Variants in ZNF701 observed in about 807,000 individuals in gnomAD.
ZNF701 encodes zinc finger protein 701.
ZNF701 carries 6 observed loss-of-function variants against 7.1 expected under a neutral mutation model. That is an observed-to-expected ratio of 0.84 (90% confidence interval 0.46 to 1.66). The LOEUF is 1.66. Ranked by LOEUF, ZNF701 falls within the 40% of genes most tolerant of loss-of-function variation. The probability of loss-of-function intolerance (pLI) is 0.01; values close to 1 mark genes in which losing one functional copy is unlikely to be tolerated. For synonymous variants in ZNF701, 166 were observed against 188.2 expected (o/e 0.88, Z 0.97); for missense variants, 541 against 559.2 (o/e 0.97, Z 0.33).
chr19:52,572,333 G>A (rs1352743336), intron 1 of ZNF701: 2 of 1,278,922 alleles, frequency 1.6e-6, no homozygotes, highest in African/African-American at 1.5e-5. Flanking sequence ...GGGATTACAG[G>A]TGTGAGCCAC....
chr19:52,580,003 A>G lies in ZNF701; in HGVS notation c.143-2199A>G, dbSNP rs537914996. ...GTAGCCCAGGCTGGAGTGCAGTGGC[A>G]CGATCTCAGCTCACTGCAAGCTCCA... On this transcript the variant is annotated intron_variant, in intron 3 of 3. Transcript: ENST00000391785. 1.4e-3 allele frequency among the ~76,000 whole-genome samples: 204 copies of G among 142,536 alleles called. 11 individuals carry two copies. The Middle Eastern group carries it at 0.044, about 31-fold the overall frequency. 93.5% of individuals were successfully genotyped at this position (142,536 alleles called of 152,430 possible). A position where few individuals can be genotyped will look rare whatever the true frequency, so the allele number is the denominator to read the frequency against.
chr19:52,589,541 A>C, downstream of ZNF701, among the ~76,000 whole-genome samples: 1 of 145,092 alleles, frequency 6.9e-6, no homozygotes, highest in Admixed American at 7.1e-5. Context: ...GTGTAATGGC[A>C]CGATCTTGGC....
chr19:52,588,703 C>T (rs879871063), downstream of ZNF701: 2 of 242,210 alleles, frequency 8.3e-6, no homozygotes, highest in Non-Finnish European at 1.7e-5. Flanking sequence ...GATTCTGAAG[C>T]GTCCTAACTC....
chr19:52,572,562 C>T, intron 1 of ZNF701: 1 of 392,636 alleles, frequency 2.5e-6, no homozygotes, highest in Non-Finnish European at 4.6e-6. Context: ...TTATCCCTTC[C>T]AGGCCACCAT....
At chr19:52,598,468 C>A in the ZNF701 span, among the ~76,000 whole-genome samples, 1 of 151,984 alleles carries the variant, frequency 6.6e-6, no homozygotes, top group Non-Finnish European at 1.5e-5. Context: ...TGGAGTGGCG[C>A]GCTGGTTGCC....
rs1308038377 is a variant in ZNF701, at chr19:52,575,975, A to G, written c.96A>G (p.Leu32=). 2 of 1,589,654 alleles carry G rather than the reference A, an allele frequency of 1.3e-6. No individual in the cohort carries two copies. The highest frequency in any genetic ancestry group is 1.4e-5 in the African/African-American group (1 of 72,492). Residue 32 remains leucine, a synonymous_variant, in exon 3 of 4, where the codon CTA becomes CTG. Coordinates refer to ENST00000391785, the MANE Select transcript of ZNF701 (RefSeq NM_018260.3). ...WKCLDPAQRT[L]YRDVMLENYR... ...GCCTGGACCCTGCTCAGAGGACTCT[A>G]TACAGAGACGTGATGCTGGAGAATT...
At chr19:52,571,461 G>A (rs899364694) in intron 1 of ZNF701, among the ~76,000 whole-genome samples, 1 of 152,240 alleles carries the variant, frequency 6.6e-6, no homozygotes, top group South Asian at 2.1e-4. Context: ...GATTGAGGAC[G>A]ATCGAAGAAT....
At chr19:52,590,886 C>T (rs540232152), downstream of ZNF701, among the ~76,000 whole-genome samples, 3 of 152,254 alleles carry the variant, frequency 2.0e-5, no homozygotes, top group South Asian at 6.2e-4. Context: ...TGTCATCAGG[C>T]TAAAGTGCAG....
the ZNF701 span, among the ~76,000 whole-genome samples, chr19:52,592,513 T>C: frequency 6.6e-6 from 1 of 151,818 alleles, no homozygotes; most frequent in Admixed American, 6.6e-5. Flanking sequence ...TGAGCGGAAT[T>C]GTCACCATGG....
chr19:52,573,972 G>T, intron 1 of ZNF701, 105 bp from the exon 2 acceptor site: 3 of 1,195,592 alleles, frequency 2.5e-6, no homozygotes, highest in Non-Finnish European at 3.5e-6. Context: ...GGCAGCAGAG[G>T]TGACCATATT....
At chr19:52,578,913 G>A (rs142081293) in intron 3 of ZNF701, among the ~76,000 whole-genome samples, 8,276 of 151,486 alleles carry the variant, frequency 0.055, 286 homozygotes, top group South Asian at 0.063. Flanking sequence ...TCCCGCCACC[G>A]CGCCTGGCTA....
the ZNF701 span, chr19:52,597,316 G>T: frequency 1.8e-6 from 1 of 543,342 alleles, no homozygotes. Context: ...AGACATCAGA[G>T]AATCCATACT....
rs555419014 is a variant in ZNF701 at position 52,583,383 on chromosome 19, G to T, written c.1324G>T (p.Glu442Ter). Reference protein sequence around the residue: ...HTGEKPYKCNECGKVFNRKSN... With the variant: ...HTGEKPYKCN ...TGGAGAGAAACCTTACAAGTGTAAT[G>T]AATGTGGCAAGGTTTTTAATCGAAA... Residue 442 changes from glutamate to a stop codon, truncating the protein, a stop_gained, in exon 4 of 4, where the codon GAA (glutamate) becomes TAA (stop). Transcript: ENST00000391785. LOFTEE classifies it low-confidence loss of function (END_TRUNC). 4 of 1,613,824 alleles carry T rather than the reference G, an allele frequency of 2.5e-6. No homozygotes were observed. In the South Asian group the frequency reaches 4.4e-5, roughly 18 times the overall value.
At chr19:52,597,883 GATTCTCCGGGTACTA>G in the ZNF701 span, 1 of 165,728 alleles carries the variant, frequency 6.0e-6, no homozygotes, top group East Asian at 1.7e-4. Context: ...TGCAGGACTA[GATTCTCCGGGTACTA>G]ATTGGTGGAT....
At position 52,583,390 on chromosome 19, in the gene ZNF701, G is replaced by A; in HGVS notation, c.1331G>A (p.Gly444Asp). 6.2e-7 allele frequency: 1 copy of A among 1,613,636 alleles called. No homozygotes were observed. Among genetic ancestry groups the A allele is most frequent in the African/African-American group, 1.3e-5 (1 of 74,936 alleles). The change falls in exon 4 of 4, where the codon GGC (glycine) becomes GAC (aspartate). Residue 444 changes from glycine to aspartate, a missense_variant. By Grantham distance (94) the Gly-to-Asp change is moderately conservative (BLOSUM62 -1). Transcript: ENST00000391785. Reference protein sequence around the residue: ...GEKPYKCNECGKVFNRKSNLE... With the variant: ...GEKPYKCNECDKVFNRKSNLE... ...AAACCTTACAAGTGTAATGAATGTG[G>A]CAAGGTTTTTAATCGAAAATCAAAC... is the stretch of plus-strand genomic sequence containing the variant.
chr19:52,571,644 G>A (rs1323870006), intron 1 of ZNF701, among the ~76,000 whole-genome samples: 1 of 152,046 alleles, frequency 6.6e-6, no homozygotes, highest in Non-Finnish European at 1.5e-5. Context: ...ACAGGCGTGA[G>A]CCACCGCACC....
downstream of ZNF701, among the ~76,000 whole-genome samples, chr19:52,591,332 C>T (rs1046465826): frequency 1.1e-4 from 17 of 152,124 alleles, 1 homozygote; most frequent in Admixed American, 5.9e-4. Flanking sequence ...CGCTTTCCCC[C>T]ACCGTGCCTA....
At chr19:52,592,924 C>T in the ZNF701 span, among the ~76,000 whole-genome samples, 12 of 116,458 alleles carry the variant, frequency 1.0e-4, 2 homozygotes, top group African/African-American at 3.3e-4. Context: ...GAGGACCCTG[C>T]GGCCTTCCGC....
At chr19:52,571,043 A>G (rs918901723) in intron 1 of ZNF701, among the ~76,000 whole-genome samples, 17 of 151,796 alleles carry the variant, frequency 1.1e-4, no homozygotes, top group Non-Finnish European at 2.9e-5. Flanking sequence ...AATGAGAAAG[A>G]CCCATAACAG....
Sources: allele counts gnomAD v4.1 joint callset (sites outside exome capture counted in the v4.1 genomes callset), GRCh38; gene constraint gnomAD v4.1.1; transcripts MANE v1.5; gene names NCBI Gene and HGNC (gene_info 2026-07-23, HGNC 2026-07-21).